Variants in NPAS3 observed in about 807,000 individuals in gnomAD.
NPAS3 encodes neuronal PAS domain protein 3, also known as neuronal PAS domain-containing protein 3.
Under a neutral mutation model 73.1 loss-of-function variants are expected in NPAS3, and 14 were observed. The observed-to-expected ratio is 0.19, with a 90% confidence interval of 0.13 to 0.30. The LOEUF (loss-of-function observed/expected upper bound fraction) is 0.30, where lower values mean the gene tolerates loss of function less well. Ranked by LOEUF, NPAS3 falls within the 10% of genes least tolerant of loss-of-function variation. The pLI is 1.00. For synonymous variants in NPAS3, 620 were observed against 541.5 expected, an observed-to-expected ratio of 1.14 and a Z score of -2.01; for missense variants, 1,096 against 1,250.0, an observed-to-expected ratio of 0.88 and a Z score of 1.86.
At position 33,108,760 on chromosome 14, in the gene NPAS3, G is replaced by C. The variant is rs929080687; in HGVS notation, c.140+52766G>C. ...ATATCATTTCTGACAGCCTTTTTTA[G>C]GGTCACTAAAATTCCAATAATTCAG... On this transcript the variant is annotated intron_variant, in intron 2 of 11. Transcript: ENST00000356141. Among the ~76,000 whole-genome samples, 8 of 152,078 alleles carry C rather than the reference G, an allele frequency of 5.3e-5. No homozygotes were observed. The East Asian group carries it at 1.6e-3, about 30-fold the overall frequency.
chr14:32,996,802 A>C (rs1231582300), intron 1 of NPAS3, among the ~76,000 whole-genome samples: 1 of 152,208 alleles, frequency 6.6e-6, no homozygotes, highest in East Asian at 1.9e-4. Flanking sequence ...AACCTCTGCT[A>C]GGGCAGTGGG....
intron 1 of NPAS3, among the ~76,000 whole-genome samples, chr14:32,959,599 A>G (rs549013798): frequency 4.6e-5 from 7 of 152,296 alleles, no homozygotes; most frequent in African/African-American, 1.7e-4. Flanking sequence ...ATTGTGTTCC[A>G]GTTTCTCATA....
At chr14:33,714,255 G>C (rs2060899544) in intron 6 of NPAS3, among the ~76,000 whole-genome samples, 1 of 151,762 alleles carries the variant, frequency 6.6e-6, no homozygotes, top group Non-Finnish European at 1.5e-5. Context: ...TAGCACACTA[G>C]ATCTTTTTTC....
At chr14:33,641,978 G>T (rs1051907794) in intron 5 of NPAS3, among the ~76,000 whole-genome samples, 2 of 152,014 alleles carry the variant, frequency 1.3e-5, no homozygotes, top group Admixed American at 1.3e-4. Context: ...ATAATTCATC[G>T]ATTCCCAACA....
At chr14:33,666,990 T>C (rs1161200479) in intron 5 of NPAS3, among the ~76,000 whole-genome samples, 2 of 152,220 alleles carry the variant, frequency 1.3e-5, no homozygotes, top group Non-Finnish European at 2.9e-5. Flanking sequence ...TGAGTAATTT[T>C]AAATTTTTCT....
At chr14:33,646,836 C>A (rs1415347540) in intron 5 of NPAS3, among the ~76,000 whole-genome samples, 1 of 131,754 alleles carries the variant, frequency 7.6e-6, no homozygotes, top group Non-Finnish European at 1.6e-5. Flanking sequence ...TTGAGTGGGT[C>A]CTTATTTATA....
At chr14:33,317,133 C>A (rs1474169977) in intron 3 of NPAS3, among the ~76,000 whole-genome samples, 1 of 151,960 alleles carries the variant, frequency 6.6e-6, no homozygotes, top group Non-Finnish European at 1.5e-5. Context: ...TAATGGGGAG[C>A]CTAGCTTTCC....
At chr14:33,417,622 T>C (rs747858453) in intron 4 of NPAS3, among the ~76,000 whole-genome samples, 1 of 152,048 alleles carries the variant, frequency 6.6e-6, no homozygotes, top group Non-Finnish European at 1.5e-5. Context: ...TGAACTTTGT[T>C]GCCATATTAG....
intron 1 of NPAS3, among the ~76,000 whole-genome samples, chr14:33,037,038 G>T (rs552383635): frequency 1.3e-5 from 2 of 152,240 alleles, no homozygotes; most frequent in Non-Finnish European, 2.9e-5. Flanking sequence ...GAACCACTGT[G>T]ATTTTGCATA....
chr14:33,022,862 T>C (rs1034423507), intron 1 of NPAS3, among the ~76,000 whole-genome samples: 10 of 152,230 alleles, frequency 6.6e-5, no homozygotes, highest in African/African-American at 9.6e-5. Context: ...AGTGTCATGT[T>C]TGTAAGTTTT....
intron 2 of NPAS3, among the ~76,000 whole-genome samples, chr14:33,108,977 T>A (rs1241713730): frequency 6.6e-6 from 1 of 152,200 alleles, no homozygotes; most frequent in Non-Finnish European, 1.5e-5. Flanking sequence ...ATACTGTTTT[T>A]TATGTGTTTG....
intron 7 of NPAS3, among the ~76,000 whole-genome samples, chr14:33,752,587 C>T (rs992321258): frequency 3.3e-5 from 5 of 152,170 alleles, no homozygotes; most frequent in Non-Finnish European, 4.4e-5. Context: ...GGGTTGTTTT[C>T]AGTCACTTTA....
chr14:33,478,085 C>T (rs1366605192), intron 4 of NPAS3, among the ~76,000 whole-genome samples: 3 of 152,064 alleles, frequency 2.0e-5, no homozygotes, highest in Non-Finnish European at 4.4e-5. Flanking sequence ...AGAGGCAGAG[C>T]CTCCAGCAGG....
intron 11 of NPAS3, among the ~76,000 whole-genome samples, chr14:33,797,842 CTG>C (rs935700645): frequency 1.5e-4 from 23 of 148,438 alleles, no homozygotes; most frequent in Non-Finnish European, 2.8e-4. Context: ...ATAAATACAT[CTG>C]TGTGTGTGTA....
At chr14:33,607,075 AC>A (rs2057592367) in intron 5 of NPAS3, among the ~76,000 whole-genome samples, 1 of 152,192 alleles carries the variant, frequency 6.6e-6, no homozygotes, top group African/African-American at 2.4e-5. Flanking sequence ...ATGTGGTAGA[AC>A]TAGAATGCTC....
At chr14:33,388,556 T>C (rs1370293203) in intron 4 of NPAS3, among the ~76,000 whole-genome samples, 1 of 152,028 alleles carries the variant, frequency 6.6e-6, no homozygotes, top group Admixed American at 6.6e-5. Flanking sequence ...GTAGTGGTTG[T>C]GATAGTTGTG....
chr14:33,292,264 GT>G (rs1405913626), intron 3 of NPAS3, among the ~76,000 whole-genome samples: 2 of 152,084 alleles, frequency 1.3e-5, no homozygotes, highest in Non-Finnish European at 2.9e-5. Context: ...CAAACTTTAT[GT>G]AGTGCTTTGC....
intron 4 of NPAS3, among the ~76,000 whole-genome samples, chr14:33,410,329 CT>C (rs2047866115): frequency 6.6e-6 from 1 of 152,142 alleles, no homozygotes; most frequent in Non-Finnish European, 1.5e-5. Flanking sequence ...AATTTTGACA[CT>C]GTTCATCTGT....
In NPAS3 at chr14:33,255,656, C is replaced by G. The variant is rs183599434; in HGVS notation, c.385+40230C>G. Among the ~76,000 whole-genome samples, 431 of 152,260 alleles carry G rather than the reference C, an allele frequency of 2.8e-3. 1 individual carries two copies. The highest frequency in any genetic ancestry group is 7.1e-3 in the Admixed American group (109 of 15,286). ...TAGGGTGACTCAGCCTGGTCTCACC[C>G]TGTTATAGATAAACACCTTCAAATG... is the stretch of plus-strand genomic sequence containing the variant. On this transcript the variant is annotated intron_variant, in intron 3 of 11. Coordinates refer to ENST00000356141, the Ensembl canonical transcript of NPAS3.
Sources: allele counts gnomAD v4.1 joint callset (sites outside exome capture counted in the v4.1 genomes callset), GRCh38; gene constraint gnomAD v4.1.1; transcripts MANE v1.5; gene names NCBI Gene and HGNC (gene_info 2026-07-23, HGNC 2026-07-21).